Variants in USP37 observed in about 807,000 individuals in gnomAD.
USP37 encodes ubiquitin carboxyl-terminal hydrolase 37.
Under a neutral mutation model 124.0 loss-of-function variants are expected in USP37, and 27 were observed. That is an observed-to-expected ratio of 0.22 (90% CI 0.16 to 0.30). The LOEUF is 0.30. Among genes scored for constraint, USP37 ranks in the 10% least tolerant of loss-of-function variants. USP37 has a pLI of 1.00. For missense variants in USP37, 889 were observed against 1,140.4 expected, an observed-to-expected ratio of 0.78 and a Z score of 3.17; for synonymous variants, 365 against 388.0, an observed-to-expected ratio of 0.94 and a Z score of 0.70.
Position 218,562,708 on chromosome 2 carries a change from A to G in USP37, c.-124T>C. The G allele has an allele frequency of 2.5e-6, 1 of 398,632 alleles. No individual in the cohort carries two copies. Among genetic ancestry groups the G allele is most frequent in the African/African-American group, 2.1e-5 (1 of 48,772 alleles). 24.7% of individuals were successfully genotyped at this position (398,632 alleles called of 1,614,324 possible). ...CTTTTACCGAAAAACCCTATGTAAT[A>G]GCAATTCACCTTTATTCTGATCCTT... On this transcript the variant is annotated 5_prime_UTR_variant, in exon 2 of 26. Transcript: ENST00000258399.
At chr2:218,524,001 C>T (rs1690809334) in intron 10 of USP37, among the ~76,000 whole-genome samples, 1 of 152,028 alleles carries the variant, frequency 6.6e-6, no homozygotes, top group Non-Finnish European at 1.5e-5. Flanking sequence ...ATGCTCTGTT[C>T]CTAATATGCT....
At chr2:218,524,691 C>A (rs1690857269) in intron 10 of USP37, among the ~76,000 whole-genome samples, 1 of 152,186 alleles carries the variant, frequency 6.6e-6, no homozygotes, top group South Asian at 2.1e-4. Context: ...CTCACTGCAA[C>A]CTCTGCCTCC....
intron 8 of USP37, among the ~76,000 whole-genome samples, chr2:218,544,430 TAG>T (rs56690495): frequency 1.3e-3 from 66 of 50,812 alleles, no homozygotes; most frequent in African/African-American, 4.0e-3. Flanking sequence ...TATATATATA[TAG>T]AGAGAGAGAG....
At chr2:218,553,524 C>T (rs754418697) in intron 5 of USP37, 29 bp downstream of exon 5, 9 of 1,570,280 alleles carry the variant, frequency 5.7e-6, no homozygotes, top group African/African-American at 4.1e-5. Context: ...AAAATACTAA[C>T]GTTAGACCCT....
chr2:218,522,292 C>T (rs1389726552), intron 10 of USP37, among the ~76,000 whole-genome samples: 1 of 151,996 alleles, frequency 6.6e-6, no homozygotes, highest in Non-Finnish European at 1.5e-5. Context: ...GCTGAGCACA[C>T]TGGCTCATGC....
Position 218,470,760 on chromosome 2 carries a change from TA to T in USP37, c.2299+3869del, listed in dbSNP as rs369326557. Among the ~76,000 whole-genome samples, 855 of 152,338 alleles carry T rather than the reference TA, an allele frequency of 5.6e-3. 6 individuals carry two copies. Among genetic ancestry groups the T allele is most frequent in the Middle Eastern group, 0.048 (14 of 294 alleles). On this transcript the variant is annotated intron_variant, in intron 20 of 25. Transcript: ENST00000258399. ...CTAGTGTCTAGAGACTGTAAAACCT[TA>T]CTTTGCCTTCCTGCCCCTCCTCAGC...
intron 17 of USP37, among the ~76,000 whole-genome samples, chr2:218,481,838 G>A (rs757006283): frequency 4.3e-4 from 66 of 151,732 alleles, no homozygotes; most frequent in Non-Finnish European, 8.4e-4. Context: ...ATTTTTTGTA[G>A]AGATGAGGTC....
At chr2:218,546,426 A>T in intron 7 of USP37, 128 bp from the exon 8 acceptor site, 1 of 648,264 alleles carries the variant, frequency 1.5e-6, no homozygotes, top group Non-Finnish European at 2.6e-6. Context: ...ATATTTAATT[A>T]TTATTATTTT....
intron 11 of USP37, chr2:218,501,170 G>C (rs1261801383): frequency 6.6e-6 from 1 of 151,674 alleles, no homozygotes; most frequent in Non-Finnish European, 1.5e-5. Context: ...TTCCTGAGTA[G>C]CTGGGGTTAC....
rs375520977 is a variant in USP37, at chr2:218,534,598, C to T, written c.778+11G>A. 1 of 1,559,482 alleles carries T rather than the reference C, an allele frequency of 6.4e-7. No individual in the cohort carries two copies. Among genetic ancestry groups the T allele is most frequent in the Non-Finnish European group, 8.7e-7 (1 of 1,150,022 alleles). On this transcript the variant is annotated intron_variant, in intron 9 of 25. Coordinates refer to ENST00000258399, the MANE Select transcript of USP37 (RefSeq NM_020935.3). ...ATGAGCACCTTATTTATTGTAAGAT[C>T]AAACACTTACCTGATGTCCTATTCT...
At chr2:218,465,757 T>C (rs1574841522) in intron 21 of USP37, among the ~76,000 whole-genome samples, 1 of 152,144 alleles carries the variant, frequency 6.6e-6, no homozygotes, top group Non-Finnish European at 1.5e-5. Flanking sequence ...GGTTTTGTCA[T>C]GTTGGCTAGG....
At chr2:218,499,195 A>G (rs1689231607) in intron 11 of USP37, among the ~76,000 whole-genome samples, 1 of 152,074 alleles carries the variant, frequency 6.6e-6, no homozygotes, top group Admixed American at 6.6e-5. Flanking sequence ...AATTGCTTGA[A>G]CCCGGGAGGC....
At position 218,454,870 on chromosome 2, in the gene USP37, G is replaced by A; in HGVS notation, c.*60C>T. ...CCAAATTCTCCTTCAGCAGAGGAAA[G>A]GTGAGGTGGGCAGCAGTAACAAATA... On this transcript the variant is annotated 3_prime_UTR_variant, in exon 26 of 26. Transcript: ENST00000258399. 1 of 1,591,758 alleles carries A rather than the reference G, an allele frequency of 6.3e-7. No homozygotes were observed. Among genetic ancestry groups the A allele is most frequent in the Non-Finnish European group, 8.5e-7 (1 of 1,169,728 alleles).
intron 9 of USP37, among the ~76,000 whole-genome samples, chr2:218,532,896 T>C (rs1691412516): frequency 6.6e-6 from 1 of 150,904 alleles, no homozygotes; most frequent in Admixed American, 6.6e-5. Flanking sequence ...ACCACTGAAC[T>C]CCAGCCAGGG....
At chr2:218,562,428 T>C (rs941291195) in intron 2 of USP37, among the ~76,000 whole-genome samples, 1 of 152,218 alleles carries the variant, frequency 6.6e-6, no homozygotes, top group Non-Finnish European at 1.5e-5. Flanking sequence ...TGTTCAACTT[T>C]GAGCATCACC....
intron 10 of USP37, among the ~76,000 whole-genome samples, chr2:218,517,826 T>C (rs1690383727): frequency 6.6e-6 from 1 of 152,238 alleles, no homozygotes; most frequent in Non-Finnish European, 1.5e-5. Context: ...TTTGAGACTT[T>C]AATAAGACAC....
intron 3 of USP37, among the ~76,000 whole-genome samples, chr2:218,559,295 G>A (rs1693190973): frequency 6.6e-6 from 1 of 152,074 alleles, no homozygotes; most frequent in African/African-American, 2.4e-5. Flanking sequence ...GGGCAATAGA[G>A]TGAAGACACT....
chr2:218,477,450 T>C (rs1247236242), intron 18 of USP37, among the ~76,000 whole-genome samples: 1 of 152,196 alleles, frequency 6.6e-6, no homozygotes, highest in African/African-American at 2.4e-5. Context: ...TTCCAGAACA[T>C]AGGGATTCCA....
At chr2:218,499,723 C>T (rs1352213703) in intron 11 of USP37, among the ~76,000 whole-genome samples, 1 of 152,180 alleles carries the variant, frequency 6.6e-6, no homozygotes, top group East Asian at 1.9e-4. Context: ...AGTAAGTCCT[C>T]AGCTTTCTCT....
Sources: allele counts gnomAD v4.1 joint callset (sites outside exome capture counted in the v4.1 genomes callset), GRCh38; gene constraint gnomAD v4.1.1; transcripts MANE v1.5; gene names NCBI Gene and HGNC (gene_info 2026-07-23, HGNC 2026-07-21).